RAB43: variants seen among roughly 807,000 people sequenced by gnomAD.
RAB43 encodes RAB43, member RAS oncogene family.
In RAB43, 6 loss-of-function variants were observed where a neutral mutation model predicts 18.8. The ratio of observed to expected loss-of-function variants is 0.32; its 90% CI spans 0.17 to 0.63. RAB43 has a LOEUF of 0.63. Ranked by LOEUF, RAB43 falls within the 30% of genes least tolerant of loss-of-function variation. The pLI, the probability that RAB43 is intolerant of heterozygous loss-of-function variation, is 0.79. For synonymous variants in RAB43, 103 were observed against 124.1 expected (o/e 0.83, Z 1.13); for missense variants, 195 against 289.1 (o/e 0.67, Z 2.36).
chr3:129,109,581 A>G (rs140745465), intron 1 of RAB43, among the ~76,000 whole-genome samples: 1,930 of 150,708 alleles, frequency 0.013, 30 homozygotes, highest in African/African-American at 0.044. Context: ...TACTAAAAAT[A>G]CAAAAAAAAA....
At chr3:129,106,510 G>A (rs1934791969) in intron 1 of RAB43, among the ~76,000 whole-genome samples, 3 of 152,212 alleles carry the variant, frequency 2.0e-5, no homozygotes, top group Non-Finnish European at 1.5e-5. Context: ...GCCAGGGAGT[G>A]AAGCACTGTG....
At chr3:129,096,190 C>A (rs1163045541) in intron 1 of RAB43, among the ~76,000 whole-genome samples, 3 of 152,220 alleles carry the variant, frequency 2.0e-5, no homozygotes, top group African/African-American at 7.2e-5. Flanking sequence ...GTCTTTCTCT[C>A]AAGGTCTGTC....
intron 1 of RAB43, among the ~76,000 whole-genome samples, chr3:129,103,288 G>T (rs191918182): frequency 3.4e-4 from 51 of 152,190 alleles, no homozygotes; most frequent in African/African-American, 1.2e-3. Context: ...CTCTTACCAG[G>T]GTCTACACAA....
At chr3:129,098,626 C>T (rs1224589256) in intron 1 of RAB43, among the ~76,000 whole-genome samples, 3 of 151,728 alleles carry the variant, frequency 2.0e-5, no homozygotes, top group Admixed American at 6.6e-5. Context: ...TTTAAAGCAG[C>T]GATTTTAAAT....
At chr3:129,097,111 T>C (rs1934106461) in intron 1 of RAB43, among the ~76,000 whole-genome samples, 1 of 150,928 alleles carries the variant, frequency 6.6e-6, no homozygotes, top group Admixed American at 6.6e-5. Context: ...AGTGAGACTG[T>C]CTCAAAAAAA....
intron 1 of RAB43, among the ~76,000 whole-genome samples, chr3:129,114,700 A>G (rs1935408330): frequency 6.6e-6 from 1 of 152,150 alleles, no homozygotes; most frequent in Non-Finnish European, 1.5e-5. Context: ...AGGGCTAAAC[A>G]ACGAACAAGA....
chr3:129,097,276 A>G (rs1934119360), intron 1 of RAB43, among the ~76,000 whole-genome samples: 1 of 152,224 alleles, frequency 6.6e-6, no homozygotes, highest in Non-Finnish European at 1.5e-5. Context: ...CACACACACA[A>G]TGGAGCAGAG....
chr3:129,096,553 G>A (rs1216686835), intron 1 of RAB43, among the ~76,000 whole-genome samples: 1 of 152,150 alleles, frequency 6.6e-6, no homozygotes, highest in East Asian at 1.9e-4. Context: ...AAAGACACCG[G>A]CCAAACAACA....
chr3:129,120,332 C>T (rs187325540), intron 1 of RAB43, among the ~76,000 whole-genome samples: 1 of 152,200 alleles, frequency 6.6e-6, no homozygotes, highest in Admixed American at 6.5e-5. Context: ...AGCAGCAAGG[C>T]TCCAGTGACT....
Position 129,121,558 on chromosome 3 carries a change from G to A in RAB43, c.-69C>T. On this transcript the variant is annotated 5_prime_UTR_variant, in exon 1 of 3. Transcript: ENST00000315150. ...CGGCCTGAGCTCACGCAAGCCGCGG[G>A]CCGAGCTCCGCCCGCTCCAGCCCAC... is the stretch of plus-strand genomic sequence containing the variant. 1.5e-6 allele frequency: 2 copies of A among 1,332,834 alleles called. No homozygotes were observed. The highest frequency in any genetic ancestry group is 1.4e-5 in the South Asian group (1 of 69,946). The allele number at this position is 1,332,834 out of a possible 1,614,324, so 82.6% of individuals were successfully genotyped here.
chr3:129,091,947 T>C (rs1403019797), intron 2 of RAB43, among the ~76,000 whole-genome samples: 1 of 151,470 alleles, frequency 6.6e-6, no homozygotes, highest in Non-Finnish European at 1.5e-5. Flanking sequence ...GGCGGGGGCC[T>C]GTAATCCCAG....
At position 129,095,303 on chromosome 3, in the gene RAB43, A is replaced by G; in HGVS notation, c.205-134T>C. ...AGGCCTTCTGAGTCCTTAGAAAGCA[A>G]CTCAATGGCTCAACCTTGTTGGAAA... On this transcript the variant is annotated intron_variant, in intron 1 of 2. Coordinates refer to ENST00000315150, the MANE Select transcript of RAB43 (RefSeq NM_198490.3). This position sits in a 1 kb window ranked among gnomAD's most constrained non-coding sequence, Gnocchi z 4.2. 7.9e-7 allele frequency: 1 copy of G among 1,263,206 alleles called. No homozygotes were observed. The highest frequency in any genetic ancestry group is 1.1e-6 in the Non-Finnish European group (1 of 934,424). The allele number at this position is 1,263,206 out of a possible 1,614,324, so 78.2% of individuals were successfully genotyped here. A position where few individuals can be genotyped will look rare whatever the true frequency, so the allele number is the denominator to read the frequency against.
At chr3:129,111,411 A>G (rs924788071) in intron 1 of RAB43, among the ~76,000 whole-genome samples, 4 of 150,090 alleles carry the variant, frequency 2.7e-5, no homozygotes, top group Non-Finnish European at 5.9e-5. Context: ...GCTACTCAGG[A>G]GGCTGAGGCA....
At chr3:129,094,393 A>G (rs1036987862) in intron 2 of RAB43, among the ~76,000 whole-genome samples, 1 of 152,132 alleles carries the variant, frequency 6.6e-6, no homozygotes, top group African/African-American at 2.4e-5. Flanking sequence ...GCCCCTGTCA[A>G]ATGAGGAGAA....
rs1934037222 is a variant in RAB43 at position 129,096,159 on chromosome 3, T to C, written c.205-990A>G. On this transcript the variant is annotated intron_variant, in intron 1 of 2. Transcript: ENST00000315150. ...ACACTCGGGGTGTCTCTTTACCTAG[T>C]TCTCAAGGTATGTGAGAAAGGTCTT... Among the ~76,000 whole-genome samples, 3 of 152,212 alleles carry C rather than the reference T, an allele frequency of 2.0e-5. No individual in the cohort carries two copies. The South Asian group carries it at 6.2e-4, about 31-fold the overall frequency.
At position 129,107,779 on chromosome 3, in the gene RAB43, C is replaced by T. The variant is rs1007259050; in HGVS notation, c.205-12610G>A. On this transcript the variant is annotated intron_variant, in intron 1 of 2. Transcript: ENST00000315150. This position sits in a 1 kb window ranked among gnomAD's most constrained non-coding sequence, Gnocchi z 4.2. The stretch of plus-strand genomic sequence containing the variant: ...AGGGATTCAGATGTCCTATGGCCCA[C>T]ACTGAACAACCCCAACCCTCAAACC... Among the ~76,000 whole-genome samples, 1 of 152,188 alleles carries T rather than the reference C, an allele frequency of 6.6e-6. No individual in the cohort carries two copies. The highest frequency in any genetic ancestry group is 2.4e-5 in the African/African-American group (1 of 41,442).
At chr3:129,092,302 TA>T (rs1340026742) in intron 2 of RAB43, among the ~76,000 whole-genome samples, 1 of 152,226 alleles carries the variant, frequency 6.6e-6, no homozygotes, top group African/African-American at 2.4e-5. Context: ...TTTAAGTGTT[TA>T]AATATTTTGT....
intron 1 of RAB43, among the ~76,000 whole-genome samples, chr3:129,099,923 C>G (rs1449197526): frequency 6.6e-6 from 1 of 151,994 alleles, no homozygotes; most frequent in Non-Finnish European, 1.5e-5. Flanking sequence ...AATTGCAGTT[C>G]CAGGAAAAGA....
At chr3:129,110,278 C>G (rs1236295750) in intron 1 of RAB43, among the ~76,000 whole-genome samples, 2 of 152,150 alleles carry the variant, frequency 1.3e-5, no homozygotes, top group East Asian at 3.8e-4. Context: ...GAGAACTGAT[C>G]AATTCAACAA....
Sources: allele counts gnomAD v4.1 joint callset (sites outside exome capture counted in the v4.1 genomes callset), GRCh38; gene constraint gnomAD v4.1.1; non-coding constraint Gnocchi (gnomAD v3.1); transcripts MANE v1.5; gene names NCBI Gene and HGNC (gene_info 2026-07-23, HGNC 2026-07-21).